CREBBP: variants seen among roughly 807,000 people sequenced by gnomAD.
The protein encoded by CREBBP is CREB binding lysine acetyltransferase, also known as CREB-binding protein.
A neutral mutation model predicts 265.0 loss-of-function variants in CREBBP; 19 were observed. The observed-to-expected ratio is 0.07, with a 90% confidence interval of 0.05 to 0.11. The LOEUF (loss-of-function observed/expected upper bound fraction) is 0.11, where lower values mean the gene tolerates loss of function less well. Among genes scored for constraint, CREBBP ranks in the 10% least tolerant of loss-of-function variants. The pLI, the probability that CREBBP is intolerant of heterozygous loss-of-function variation, is 1.00. For synonymous variants in CREBBP, 1,457 were observed against 1,223.7 expected (o/e 1.19, Z -3.98); for missense variants, 2,525 against 3,219.0 (o/e 0.78, Z 5.22).
At chr16:3,856,118 T>C (rs949169940) in intron 1 of CREBBP, among the ~76,000 whole-genome samples, 2 of 152,174 alleles carry the variant, frequency 1.3e-5, no homozygotes, top group Admixed American at 6.5e-5. Context: ...CCCCCCCAAA[T>C]AACAACATTT....
chr16:3,774,887 G>A lies in CREBBP; in HGVS notation c.2159-194C>T, dbSNP rs775881270. 249 of 733,198 alleles carry A rather than the reference G, an allele frequency of 3.4e-4. 2 individuals are homozygous for A. The highest frequency in any genetic ancestry group is 1.2e-3 in the Middle Eastern group (4 of 3,312). The allele number at this position is 733,198 out of a possible 1,614,324, so 45.4% of individuals were successfully genotyped here. On this transcript the variant is annotated intron_variant, in intron 11 of 30. Coordinates refer to ENST00000262367, the MANE Select transcript of CREBBP (RefSeq NM_004380.3). ...CATATCCAGAGAAAACGGCATCAAT[G>A]TGGGGGTGGTGACGGTGGCATGGTG... is the stretch of plus-strand genomic sequence containing the variant.
At chr16:3,795,770 T>C (rs572309910) in intron 3 of CREBBP, among the ~76,000 whole-genome samples, 3 of 152,100 alleles carry the variant, frequency 2.0e-5, no homozygotes, top group South Asian at 4.2e-4. Flanking sequence ...AATGGAGATA[T>C]GGAGGAATGG....
intron 2 of CREBBP, among the ~76,000 whole-genome samples, chr16:3,811,147 G>A (rs972024076): frequency 6.6e-6 from 1 of 152,038 alleles, no homozygotes; most frequent in African/African-American, 2.4e-5. Flanking sequence ...TTACTCTATA[G>A]GTATCTAGTT....
chr16:3,747,868 C>T (rs1241600597), intron 21 of CREBBP, among the ~76,000 whole-genome samples: 1 of 151,374 alleles, frequency 6.6e-6, no homozygotes, highest in Admixed American at 6.6e-5. Context: ...GGCGGGTGGA[C>T]CACGAGGTCA....
At chr16:3,853,957 A>C (rs545484253) in intron 1 of CREBBP, among the ~76,000 whole-genome samples, 89 of 147,832 alleles carry the variant, frequency 6.0e-4, no homozygotes, top group African/African-American at 2.2e-3. Context: ...CAAACAAACA[A>C]ACAAACACAC....
chr16:3,772,915 CAAAAA>C (rs144154476), intron 13 of CREBBP, among the ~76,000 whole-genome samples: 34 of 88,844 alleles, frequency 3.8e-4, no homozygotes, highest in Admixed American at 1.2e-3. Context: ...ACTAAAAATA[CAAAAA>C]AAAAAAAAAA....
intron 1 of CREBBP, among the ~76,000 whole-genome samples, chr16:3,869,137 C>CT (rs1200536678): frequency 6.6e-6 from 1 of 152,174 alleles, no homozygotes; most frequent in African/African-American, 2.4e-5. Flanking sequence ...GGTGTCAGTG[C>CT]TAACGTCACA....
chr16:3,860,385 G>C (rs895470038), intron 1 of CREBBP, among the ~76,000 whole-genome samples: 7 of 152,144 alleles, frequency 4.6e-5, no homozygotes, highest in Non-Finnish European at 7.3e-5. Flanking sequence ...CCAGGCTGGA[G>C]TGCAGTGGCC....
chr16:3,878,958 G>C (rs1239772288), intron 1 of CREBBP, among the ~76,000 whole-genome samples: 1 of 149,208 alleles, frequency 6.7e-6, no homozygotes. Flanking sequence ...TTTAATGAAA[G>C]GAAACAAACA....
intron 14 of CREBBP, among the ~76,000 whole-genome samples, chr16:3,769,798 G>A (rs890509560): frequency 6.6e-6 from 1 of 152,218 alleles, no homozygotes; most frequent in Non-Finnish European, 1.5e-5. Flanking sequence ...AGGAACACGG[G>A]TGCTGGTGGA....
intron 28 of CREBBP, among the ~76,000 whole-genome samples, 168 bp from the exon 29 acceptor site, chr16:3,732,105 G>A (rs879922805): frequency 3.9e-5 from 6 of 152,172 alleles, no homozygotes; most frequent in African/African-American, 1.2e-4. Context: ...TGCAGCCTTC[G>A]GGACAGAGCA....
At chr16:3,750,328 G>T (rs573318112) in intron 20 of CREBBP, among the ~76,000 whole-genome samples, 1 of 152,288 alleles carries the variant, frequency 6.6e-6, no homozygotes, top group South Asian at 2.1e-4. Context: ...TACAAGTTAG[G>T]TTTTTTCTGC....
intron 1 of CREBBP, among the ~76,000 whole-genome samples, chr16:3,876,621 G>A (rs1023383139): frequency 6.6e-6 from 1 of 152,100 alleles, no homozygotes; most frequent in Non-Finnish European, 1.5e-5. Flanking sequence ...AGGGTGCCAA[G>A]TAAAGGAAGA....
rs756844215 is a variant in CREBBP at position 3,793,479 on chromosome 16, C to G, written c.1123G>C (p.Gly375Arg). 8.1e-6 allele frequency: 13 copies of G among 1,614,164 alleles called. No individual in the cohort carries two copies. The highest frequency in any genetic ancestry group is 1.1e-5 in the Non-Finnish European group (13 of 1,180,034). Residue 375 changes from glycine to arginine, a missense_variant, in exon 4 of 31, where the codon GGA becomes CGA. Physicochemically the swap from Gly to Arg is moderately radical, Grantham distance 125. Transcript: ENST00000262367. Reference sequence around the variant, plus strand: ...GGGAGCGAGCAGGCCCGAACCTCTCCGTTTGCTTGCTCTCGTCTCTGACAC... The same window carrying G: ...GGGAGCGAGCAGGCCCGAACCTCTCGGTTTGCTTGCTCTCGTCTCTGACAC... ...HKCQRREQAN[G>R]EVRACSLPHC...
chr16:3,728,447 C>T lies in CREBBP; in HGVS notation c.6600G>A (p.Gln2200=), dbSNP rs1596782997. Residue 2200 remains glutamine (Q), a synonymous_variant, in exon 31 of 31, where the codon CAG becomes CAA. Coordinates refer to ENST00000262367, the MANE Select transcript of CREBBP (RefSeq NM_004380.3). This position sits in a 1 kb window ranked among gnomAD's most constrained non-coding sequence, Gnocchi z 8.7. Reference sequence around the variant, plus strand: ...GTTGTTGCTGCTGCTGTTGCTGCTGCTGCTGCAGCAGCTGCCTCCGTAACA... The same window carrying T: ...GTTGTTGCTGCTGCTGTTGCTGCTGTTGCTGCAGCAGCTGCCTCCGTAACA... ...REMLRRQLLQ[Q]QQQQQQQQQQ... 1 of 1,612,476 alleles carries T rather than the reference C, an allele frequency of 6.2e-7. No individual in the cohort carries two copies. Among genetic ancestry groups the T allele is most frequent in the Non-Finnish European group, 8.5e-7 (1 of 1,178,988 alleles).
At chr16:3,732,409 C>T (rs957775492) in intron 28 of CREBBP, among the ~76,000 whole-genome samples, 3 of 152,128 alleles carry the variant, frequency 2.0e-5, no homozygotes, top group African/African-American at 4.8e-5. Flanking sequence ...GAGGCCCCTG[C>T]GGGGTCCACT....
intron 2 of CREBBP, among the ~76,000 whole-genome samples, chr16:3,818,752 T>TG (rs1481897221): frequency 6.6e-6 from 1 of 152,168 alleles, no homozygotes; most frequent in African/African-American, 2.4e-5. Flanking sequence ...AAGTGGGCTT[T>TG]GGGGGGTGTC....
intron 3 of CREBBP, among the ~76,000 whole-genome samples, chr16:3,799,171 GGGGAAATGGGGAATAA>G (rs1186868895): frequency 1.3e-5 from 2 of 152,164 alleles, no homozygotes; most frequent in Non-Finnish European, 2.9e-5. Flanking sequence ...TGGGGGTTCA[GGGGAAATGGGGAATAA>G]CTGCTAATGG....
chr16:3,847,089 T>C (rs2054683220), intron 2 of CREBBP, among the ~76,000 whole-genome samples: 2 of 152,112 alleles, frequency 1.3e-5, no homozygotes, highest in African/African-American at 4.8e-5. Flanking sequence ...CCTCAGAGGA[T>C]GAGATCAATA....
Sources: allele counts gnomAD v4.1 joint callset (sites outside exome capture counted in the v4.1 genomes callset), GRCh38; gene constraint gnomAD v4.1.1; non-coding constraint Gnocchi (gnomAD v3.1); transcripts MANE v1.5; gene names NCBI Gene and HGNC (gene_info 2026-07-23, HGNC 2026-07-21).